Variants in ZNF616 observed in about 807,000 individuals in gnomAD.
ZNF616 encodes zinc finger protein 616.
In ZNF616, 5 loss-of-function variants were observed where a neutral mutation model predicts 7.6. That is an observed-to-expected ratio of 0.66 (90% CI 0.34 to 1.38). ZNF616 has a LOEUF of 1.38. ZNF616 is among the 40% of genes most tolerant of loss of function. The probability of loss-of-function intolerance (pLI) is 0.04; values close to 1 mark genes in which losing one functional copy is unlikely to be tolerated. For missense variants in ZNF616, 913 were observed against 948.3 expected (o/e 0.96, Z 0.49); for synonymous variants, 319 against 317.2 (o/e 1.01, Z -0.06).
At chr19:52,127,555 G>A (rs368991796) in intron 2 of ZNF616, among the ~76,000 whole-genome samples, 2 of 152,016 alleles carry the variant, frequency 1.3e-5, no homozygotes, top group African/African-American at 4.8e-5. Context: ...TAAAATGTAA[G>A]CAACAAAATA....
chr19:52,137,783 A>T (rs927886245), intron 1 of ZNF616, among the ~76,000 whole-genome samples: 1 of 152,236 alleles, frequency 6.6e-6, no homozygotes, highest in African/African-American at 2.4e-5. Context: ...TAAAAGTTAA[A>T]AAAAGGCAAT....
chr19:52,126,971 C>T (rs1188153634), intron 2 of ZNF616, among the ~76,000 whole-genome samples: 2 of 151,930 alleles, frequency 1.3e-5, no homozygotes, highest in South Asian at 2.1e-4. Context: ...GACTGACAAA[C>T]TCGATTCTTT....
intron 2 of ZNF616, among the ~76,000 whole-genome samples, chr19:52,125,162 T>C (rs1040071144): frequency 1.3e-5 from 2 of 152,190 alleles, no homozygotes; most frequent in African/African-American, 4.8e-5. Context: ...ACATATAAAA[T>C]GCATTCCATC....
intron 2 of ZNF616, among the ~76,000 whole-genome samples, chr19:52,125,568 A>G (rs2088899009): frequency 6.6e-6 from 1 of 152,138 alleles, no homozygotes; most frequent in Non-Finnish European, 1.5e-5. Context: ...TCCCTGCCCC[A>G]TTAGTTTTGT....
In ZNF616 at chr19:52,116,518, T is replaced by G; in HGVS notation, c.646A>C (p.Asn216His). The G allele has an allele frequency of 6.2e-7, 1 of 1,614,146 alleles. No individual in the cohort carries two copies. Among genetic ancestry groups the G allele is most frequent in the Non-Finnish European group, 8.5e-7 (1 of 1,180,028 alleles). ...CGATGAAAGGCTTTGCCACACTCAT[T>G]GCATTTGTAAGGTTTCTCTGTAGTA... is the stretch of plus-strand genomic sequence containing the variant. Reference protein sequence around the residue: ...IHTTEKPYKCNECGKAFHRAS... With the variant: ...IHTTEKPYKCHECGKAFHRAS... The change falls in exon 4 of 4, where the codon AAT (asparagine) becomes CAT (histidine). Residue 216 changes from asparagine to histidine, a missense_variant. By Grantham distance (68) the Asn-to-His change is moderately conservative. Transcript: ENST00000600228.
chr19:52,138,749 C>T (rs1039446888), intron 1 of ZNF616: 4 of 152,428 alleles, frequency 2.6e-5, no homozygotes, highest in African/African-American at 9.7e-5. Context: ...TTCCCTTTTC[C>T]CTGTTACATC....
At chr19:52,138,235 C>G (rs1366593082) in intron 1 of ZNF616, among the ~76,000 whole-genome samples, 2 of 152,190 alleles carry the variant, frequency 1.3e-5, no homozygotes, top group Middle Eastern at 6.3e-3. Flanking sequence ...TCCTCTACTC[C>G]CTCCCTGGAA....
chr19:52,120,766 C>A (rs1007586204), intron 3 of ZNF616, among the ~76,000 whole-genome samples: 1 of 151,936 alleles, frequency 6.6e-6, no homozygotes, highest in Non-Finnish European at 1.5e-5. Flanking sequence ...AGAAGATATA[C>A]CAATTATAGT....
chr19:52,138,879 T>TGTCAGCCGCGGCTCC (rs1397940889), intron 1 of ZNF616: 2 of 152,456 alleles, frequency 1.3e-5, no homozygotes, highest in Non-Finnish European at 2.9e-5. Flanking sequence ...CACGTGGCTC[T>TGTCAGCCGCGGCTCC]GTCAGCCGCG....
Position 52,113,782 on chromosome 19 carries a change from G to T in ZNF616, c.*1036C>A, listed in dbSNP as rs368413577. The stretch of plus-strand genomic sequence containing the variant: ...CCAGCTCCATCCACATCGCTGCAAT[G>T]GACATGATCTCATTCCTTTCTATGG... On this transcript the variant is annotated 3_prime_UTR_variant, in exon 4 of 4. Transcript: ENST00000600228. 6.6e-6 allele frequency: 1 copy of T among 152,182 alleles called. No individual in the cohort carries two copies. The highest frequency in any genetic ancestry group is 1.5e-5 in the Non-Finnish European group (1 of 68,042). 9.4% of individuals were successfully genotyped at this position (152,182 alleles called of 1,614,324 possible).
Position 52,137,345 on chromosome 19 carries a change from C to T in ZNF616, c.-77+2387G>A, listed in dbSNP as rs573008649. 7.2e-5 allele frequency among the ~76,000 whole-genome samples: 11 copies of T among 152,044 alleles called. No homozygotes were observed. The East Asian group carries it at 2.1e-3, about 29-fold the overall frequency. The stretch of plus-strand genomic sequence containing the variant: ...GGCTGAGGCAGGAGAATGGTGTGAA[C>T]CCGGGAGGCGGAGCTTGCAGTGAGC... On this transcript the variant is annotated intron_variant, in intron 1 of 3. Coordinates refer to ENST00000600228, the MANE Select transcript of ZNF616 (RefSeq NM_178523.5).
intron 1 of ZNF616, among the ~76,000 whole-genome samples, chr19:52,130,883 A>T (rs1222458993): frequency 6.6e-6 from 1 of 152,334 alleles, no homozygotes; most frequent in East Asian, 1.9e-4. Context: ...TGCAGCGCAC[A>T]GCCCCCCGTC....
In ZNF616 at chr19:52,115,028, A is replaced by C. The variant is rs918459400; in HGVS notation, c.2136T>G (p.Thr712=). 6.8e-6 allele frequency: 11 copies of C among 1,614,080 alleles called. No individual in the cohort carries two copies. The highest frequency in any genetic ancestry group is 9.3e-6 in the Non-Finnish European group (11 of 1,180,040). ...CAATACATTTGTATCTTTTCTCTCC[A>C]GTGTGGATTCTCTGGTGACTTACAA... ...SHLVSHQRIH[T]GEKRYKCIEC... is the part of the protein sequence containing the mutation. The change falls in exon 4 of 4, where the codon ACT becomes ACG. Residue 712 remains threonine, a synonymous_variant. Transcript: ENST00000600228.
intron 2 of ZNF616, among the ~76,000 whole-genome samples, chr19:52,129,158 A>T (rs776759640): frequency 1.3e-4 from 20 of 151,938 alleles, no homozygotes; most frequent in Non-Finnish European, 2.4e-4. Context: ...CACGCCTGTA[A>T]TCCCAGCTAT....
At chr19:52,130,397 G>T in intron 2 of ZNF616, 104 bp downstream of exon 2, 1 of 1,029,164 alleles carries the variant, frequency 9.7e-7, no homozygotes, top group Middle Eastern at 2.0e-4. Flanking sequence ...GGACACTTCA[G>T]ACTCAGAGAA....
intron 1 of ZNF616, among the ~76,000 whole-genome samples, chr19:52,133,922 G>A (rs1007854667): frequency 5.3e-5 from 8 of 152,036 alleles, no homozygotes; most frequent in Non-Finnish European, 1.0e-4. Flanking sequence ...TGCCCTCTAC[G>A]TATCCATGTT....
intron 1 of ZNF616, 44 bp from the exon 2 acceptor site, chr19:52,130,632 A>T (rs2088950175): frequency 6.9e-7 from 1 of 1,442,750 alleles, no homozygotes; most frequent in South Asian, 1.3e-5. Flanking sequence ...GAAACAACAC[A>T]TTCCTTTCTG....
At chr19:52,137,410 G>C (rs1045547928) in intron 1 of ZNF616, among the ~76,000 whole-genome samples, 18 of 152,012 alleles carry the variant, frequency 1.2e-4, no homozygotes, top group African/African-American at 4.3e-4. Flanking sequence ...GCGACAGAGC[G>C]AGCGAGACTC....
intron 2 of ZNF616, among the ~76,000 whole-genome samples, chr19:52,125,620 C>T (rs1285191373): frequency 2.0e-5 from 3 of 152,122 alleles, no homozygotes; most frequent in Non-Finnish European, 4.4e-5. Flanking sequence ...TGTGGTTTCC[C>T]GAGCTGGGAT....
Sources: allele counts gnomAD v4.1 joint callset (sites outside exome capture counted in the v4.1 genomes callset), GRCh38; gene constraint gnomAD v4.1.1; transcripts MANE v1.5; gene names NCBI Gene and HGNC (gene_info 2026-07-23, HGNC 2026-07-21).